The following PRKN variants were observed in gnomAD, a reference collection of about 807,000 sequenced individuals.
The protein encoded by PRKN is E3 ubiquitin-protein ligase parkin.
A neutral mutation model predicts 59.5 loss-of-function variants in PRKN; 56 were observed. That is an observed-to-expected ratio of 0.94 (90% confidence interval 0.76 to 1.18). The LOEUF (loss-of-function observed/expected upper bound fraction) is 1.18. Ranked by LOEUF, PRKN falls within the 50% of genes most tolerant of loss-of-function variation. PRKN has a pLI of 0.00. For missense variants in PRKN, 657 were observed against 596.4 expected (o/e 1.10, Z -1.06); for synonymous variants, 250 against 222.1 (o/e 1.13, Z -1.12).
chr6:162,442,888 G>A (rs1790125852), intron 2 of PRKN, among the ~76,000 whole-genome samples: 1 of 152,064 alleles, frequency 6.6e-6, no homozygotes, highest in Non-Finnish European at 1.5e-5. Context: ...AACCTCCAGG[G>A]GTCACAATTG....
chr6:162,260,528 T>C (rs1442672580), intron 3 of PRKN, among the ~76,000 whole-genome samples: 1 of 152,058 alleles, frequency 6.6e-6, no homozygotes, highest in Admixed American at 6.6e-5. Flanking sequence ...AATATTATGG[T>C]CTAGAGAGAG....
chr6:161,898,615 G>A (rs980555918), intron 6 of PRKN, among the ~76,000 whole-genome samples: 5 of 152,152 alleles, frequency 3.3e-5, no homozygotes, highest in Non-Finnish European at 7.4e-5. Context: ...TAAAGTTGCG[G>A]GCATCTTTGC....
intron 6 of PRKN, among the ~76,000 whole-genome samples, chr6:161,846,191 C>T (rs554889136): frequency 2.9e-4 from 44 of 152,204 alleles, no homozygotes; most frequent in Admixed American, 1.0e-3. Flanking sequence ...ATATCTAATG[C>T]GGGTTCTAAT....
At chr6:162,672,554 T>G (rs1273332150) in intron 1 of PRKN, among the ~76,000 whole-genome samples, 1 of 152,204 alleles carries the variant, frequency 6.6e-6, no homozygotes, top group Non-Finnish European at 1.5e-5. Flanking sequence ...TTAAAACTGA[T>G]TAAATATTAT....
At chr6:162,215,952 A>G (rs1777631236) in intron 3 of PRKN, among the ~76,000 whole-genome samples, 1 of 152,026 alleles carries the variant, frequency 6.6e-6, no homozygotes, top group African/African-American at 2.4e-5. Context: ...CTGAGGCAGG[A>G]GAATTGCTTG....
At chr6:162,648,500 G>C (rs1778288260) in intron 1 of PRKN, among the ~76,000 whole-genome samples, 1 of 151,702 alleles carries the variant, frequency 6.6e-6, no homozygotes, top group Non-Finnish European at 1.5e-5. Context: ...TCCTGCCTCA[G>C]CCTCCCGAGT....
intron 2 of PRKN, among the ~76,000 whole-genome samples, chr6:162,265,530 A>C (rs1562625517): frequency 6.6e-6 from 1 of 152,154 alleles, no homozygotes; most frequent in Non-Finnish European, 1.5e-5. Context: ...GTCTGTACTA[A>C]AAAGATAAAA....
At chr6:161,978,974 C>G (rs980325143) in intron 5 of PRKN, among the ~76,000 whole-genome samples, 4 of 151,998 alleles carry the variant, frequency 2.6e-5, no homozygotes, top group Admixed American at 1.3e-4. Context: ...AGTCTCAGAG[C>G]GGCCCACCCC....
At chr6:162,344,658 G>A (rs1213454806) in intron 2 of PRKN, among the ~76,000 whole-genome samples, 5 of 151,338 alleles carry the variant, frequency 3.3e-5, no homozygotes, top group Admixed American at 6.6e-5. Flanking sequence ...GATATATTTC[G>A]CCCTGTCCTT....
At chr6:162,371,433 CT>C (rs1459647381) in intron 2 of PRKN, among the ~76,000 whole-genome samples, 3 of 152,138 alleles carry the variant, frequency 2.0e-5, no homozygotes, top group Admixed American at 6.6e-5. Flanking sequence ...ATTATTTCAG[CT>C]GAATTCTGGG....
chr6:162,497,589 A>C (rs558410581), intron 1 of PRKN, among the ~76,000 whole-genome samples: 1 of 152,324 alleles, frequency 6.6e-6, no homozygotes, highest in East Asian at 1.9e-4. Context: ...TTTGCAGAGC[A>C]GCTCATTTTG....
intron 2 of PRKN, among the ~76,000 whole-genome samples, chr6:162,423,563 T>A (rs573726382): frequency 7.9e-5 from 12 of 152,300 alleles, no homozygotes; most frequent in Admixed American, 7.2e-4. Context: ...AGAAACCTCA[T>A]TTGAGTATAT....
chr6:161,907,505 T>C (rs1026402574), intron 6 of PRKN, among the ~76,000 whole-genome samples: 14 of 152,230 alleles, frequency 9.2e-5, no homozygotes, highest in African/African-American at 3.1e-4. Flanking sequence ...ACAGCTCACA[T>C]TTGCCAAGTT....
chr6:161,624,597 T>C (rs1375262483), intron 7 of PRKN, among the ~76,000 whole-genome samples: 3 of 152,228 alleles, frequency 2.0e-5, no homozygotes, highest in Non-Finnish European at 2.9e-5. Flanking sequence ...ACAGCTCTTA[T>C]GATCAATCAT....
Position 161,680,750 on chromosome 6 carries a change from TATATATATATATATATATA to T in PRKN, c.871+105003_871+105021del, listed in dbSNP as rs1176407219. On this transcript the variant is annotated intron_variant, in intron 7 of 11. Coordinates refer to ENST00000366898, the MANE Select transcript of PRKN (RefSeq NM_004562.3). ...ACATATATATATATATATATATATA[TATATATATATATATATATA>T]TATATATTTTTTTTTTTTTTTCTTT... 1.6e-3 allele frequency among the ~76,000 whole-genome samples: 32 copies of T among 19,978 alleles called. 2 individuals carry two copies. The East Asian group carries it at 0.02, about 13-fold the overall frequency. The allele number at this position is 19,978 out of a possible 152,430, so 13.1% of individuals were successfully genotyped here.
chr6:162,719,989 G>A (rs747794195), intron 1 of PRKN, among the ~76,000 whole-genome samples: 1 of 151,762 alleles, frequency 6.6e-6, no homozygotes, highest in Non-Finnish European at 1.5e-5. Flanking sequence ...ATTAATACGA[G>A]CAAGTTTCAG....
At chr6:161,536,553 C>T (rs1454807624) in intron 9 of PRKN, among the ~76,000 whole-genome samples, 1 of 152,130 alleles carries the variant, frequency 6.6e-6, no homozygotes, top group Non-Finnish European at 1.5e-5. Context: ...AGAAACTTAC[C>T]CCTGCCAGCT....
intron 9 of PRKN, among the ~76,000 whole-genome samples, chr6:161,535,969 T>TTA (rs10665688): frequency 2.6e-5 from 4 of 151,784 alleles, no homozygotes; most frequent in East Asian, 1.9e-4. Context: ...TTTTTTTTTT[T>TTA]ATTGCTGATT....
intron 1 of PRKN, among the ~76,000 whole-genome samples, chr6:162,689,499 T>C (rs570781364): frequency 6.6e-6 from 1 of 152,376 alleles, no homozygotes; most frequent in South Asian, 2.1e-4. Context: ...TTTTGTGTGT[T>C]AACACAGGTT....
Sources: allele counts gnomAD v4.1 joint callset (sites outside exome capture counted in the v4.1 genomes callset), GRCh38; gene constraint gnomAD v4.1.1; transcripts MANE v1.5; gene names NCBI Gene and HGNC (gene_info 2026-07-23, HGNC 2026-07-21).